The following CYP4F22 variants were observed in gnomAD, a reference collection of about 807,000 sequenced individuals.
CYP4F22 encodes ultra-long-chain fatty acid omega-hydroxylase.
CYP4F22 carries 37 observed loss-of-function variants against 60.4 expected under a neutral mutation model. The ratio of observed to expected loss-of-function variants is 0.61; its 90% confidence interval spans 0.47 to 0.81. The LOEUF (loss-of-function observed/expected upper bound fraction) is 0.81, where lower values mean the gene tolerates loss of function less well. Ranked by LOEUF, CYP4F22 falls within the 30% of genes least tolerant of loss-of-function variation. The probability of loss-of-function intolerance (pLI) is 0.00; values close to 1 mark genes in which losing one functional copy is unlikely to be tolerated. For missense variants in CYP4F22, 655 were observed against 715.0 expected (o/e 0.92, Z 0.96); for synonymous variants, 258 against 280.5 (o/e 0.92, Z 0.80).
intron 1 of CYP4F22, among the ~76,000 whole-genome samples, chr19:15,512,506 AT>A (rs1971103913): frequency 6.6e-6 from 1 of 151,906 alleles, no homozygotes; most frequent in African/African-American, 2.4e-5. Flanking sequence ...GGGTTTCATC[AT>A]GTTGCCCAGG....
At position 15,520,218 on chromosome 19, in the gene CYP4F22, C is replaced by T. The variant is rs368599093; in HGVS notation, c.-108-3475C>T. ...AAAATTAGCTGGGCGTGGTGGTGGG[C>T]GCCTATAGTCCCAGCTACTCAGGAG... is the stretch of plus-strand genomic sequence containing the variant. On this transcript the variant is annotated intron_variant, in intron 1 of 13. Coordinates refer to ENST00000269703, the MANE Select transcript of CYP4F22 (RefSeq NM_173483.4). 2.2e-4 allele frequency among the ~76,000 whole-genome samples: 34 copies of T among 151,580 alleles called. No individual in the cohort carries two copies. In the East Asian group the frequency reaches 5.1e-3, roughly 23 times the overall value.
intron 1 of CYP4F22, chr19:15,515,196 G>C (rs910903556): frequency 1.3e-5 from 7 of 559,542 alleles, no homozygotes; most frequent in Non-Finnish European, 2.1e-5. Context: ...CACCTCCCCT[G>C]TTGTGTTCCC....
intron 5 of CYP4F22, 42 bp downstream of exon 5, chr19:15,537,456 A>C (rs1227534263): frequency 6.2e-7 from 1 of 1,614,170 alleles, no homozygotes; most frequent in Admixed American, 1.7e-5. Context: ...GCTTTAGAGA[A>C]GAGAGGGAAG....
chr19:15,525,087 G>T (rs1971266328), intron 2 of CYP4F22, among the ~76,000 whole-genome samples: 1 of 152,226 alleles, frequency 6.6e-6, no homozygotes, highest in African/African-American at 2.4e-5. Flanking sequence ...CCTGGGCAGA[G>T]AATGCCCTAT....
chr19:15,550,860 C>A, intron 13 of CYP4F22, 104 bp downstream of exon 13: 1 of 1,401,144 alleles, frequency 7.1e-7, no homozygotes, highest in Non-Finnish European at 1.0e-6. Flanking sequence ...GGCACCCAGG[C>A]GTCCTTTCTG....
At chr19:15,544,087 C>T (rs1971494750) in intron 9 of CYP4F22, 50 bp downstream of exon 9, 1 of 1,614,148 alleles carries the variant, frequency 6.2e-7, no homozygotes, top group Admixed American at 1.7e-5. Context: ...ACATCATTGT[C>T]TGTAGACAGC....
chr19:15,535,942 G>C (rs550928480), intron 4 of CYP4F22, among the ~76,000 whole-genome samples: 1 of 152,196 alleles, frequency 6.6e-6, no homozygotes, highest in Non-Finnish European at 1.5e-5. Flanking sequence ...AAGCATTCAA[G>C]TTCTCATACA....
chr19:15,514,076 C>T (rs1394142072), intron 1 of CYP4F22, among the ~76,000 whole-genome samples: 1 of 152,120 alleles, frequency 6.6e-6, no homozygotes, highest in African/African-American at 2.4e-5. Context: ...GTCCTGTTTG[C>T]ATTAACAAAA....
rs550444193 is a variant in CYP4F22 at position 15,547,912 on chromosome 19, T to A, written c.1137-196T>A. 2.0e-5 allele frequency among the ~76,000 whole-genome samples: 3 copies of A among 150,744 alleles called. No homozygotes were observed. The East Asian group carries it at 5.9e-4, about 29-fold the overall frequency. ...CACCTGTGCATGAGACAACTGCAAA[T>A]GGCAGAAATTGGGGCAAGTCTAAAA... On this transcript the variant is annotated intron_variant, in intron 10 of 13. Coordinates refer to ENST00000269703, the MANE Select transcript of CYP4F22 (RefSeq NM_173483.4).
Position 15,525,426 on chromosome 19 carries a change from CCTGCTCTTCTTCCTGTTCCGCCTGCTG to C in CYP4F22, c.95_121del (p.Leu32_Leu40del). ...ACGCGGTGTCCACCCTTCTCCTCTTCCTGCTCTTCTTCCTGTTCCGCCTGCTGCTGCGGTTCCTGAGGCTCTGCAGGA... is the reference window on the plus strand; with the variant it reads ...ACGCGGTGTCCACCCTTCTCCTCTTCCTGCGGTTCCTGAGGCTCTGCAGGA... On this transcript the variant is annotated inframe_deletion, in exon 3 of 14. Coordinates refer to ENST00000269703, the MANE Select transcript of CYP4F22 (RefSeq NM_173483.4). 6.2e-7 allele frequency: 1 copy of C among 1,614,190 alleles called. No individual in the cohort carries two copies. The highest frequency in any genetic ancestry group is 8.5e-7 in the Non-Finnish European group (1 of 1,180,050).
chr19:15,547,263 G>A (rs908448131), intron 10 of CYP4F22, among the ~76,000 whole-genome samples: 3 of 151,174 alleles, frequency 2.0e-5, no homozygotes, highest in South Asian at 2.1e-4. Flanking sequence ...GACCTCAGAC[G>A]ATCGCCCATC....
intron 7 of CYP4F22, among the ~76,000 whole-genome samples, 189 bp downstream of exon 7, chr19:15,538,182 A>AGGATG (rs1971421787): frequency 6.6e-6 from 1 of 152,140 alleles, no homozygotes. Flanking sequence ...AAAAATGGGC[A>AGGATG]TCATAATTCC....
chr19:15,542,257 C>T (rs1033054797), intron 8 of CYP4F22, among the ~76,000 whole-genome samples: 2 of 152,030 alleles, frequency 1.3e-5, no homozygotes, highest in Non-Finnish European at 2.9e-5. Context: ...ATAAGCCGGG[C>T]GCAGTGGCTC....
intron 1 of CYP4F22, among the ~76,000 whole-genome samples, chr19:15,522,347 A>G (rs982933245): frequency 2.6e-5 from 4 of 152,004 alleles, no homozygotes; most frequent in Admixed American, 2.6e-4. Flanking sequence ...TGACCCACCC[A>G]GCTGTTTTCC....
Position 15,551,658 on chromosome 19 carries a change from C to T in CYP4F22, c.*187C>T, listed in dbSNP as rs1001983229. ...CGCCCCTCAAGGCAAGGCTCCTCCC[C>T]TTAGGGGGCCTGATCCCGCCCCTTG... is the stretch of plus-strand genomic sequence containing the variant. On this transcript the variant is annotated 3_prime_UTR_variant, in exon 14 of 14. Transcript: ENST00000269703. 2.4e-5 allele frequency: 17 copies of T among 704,406 alleles called. No individual in the cohort carries two copies. The highest frequency in any genetic ancestry group is 4.0e-4 in the Middle Eastern group (1 of 2,488). 43.6% of individuals were successfully genotyped at this position (704,406 alleles called of 1,614,324 possible).
At chr19:15,513,375 T>A (rs1192400552) in intron 1 of CYP4F22, among the ~76,000 whole-genome samples, 1 of 139,278 alleles carries the variant, frequency 7.2e-6, no homozygotes. Context: ...TTTTTTTTTT[T>A]TTTTTTTGAG....
chr19:15,513,514 G>T (rs377569247), intron 1 of CYP4F22, among the ~76,000 whole-genome samples: 1 of 151,798 alleles, frequency 6.6e-6, no homozygotes, highest in Non-Finnish European at 1.5e-5. Flanking sequence ...ACAGGCGCCC[G>T]CCACCTCGCC....
Position 15,540,029 on chromosome 19 carries a change from C to T in CYP4F22, c.672-421C>T, listed in dbSNP as rs530045321. ...AGGTACCAATCCCTTATCAGATAGA[C>T]AATTTGCAAATATTTTCTCCCATGC... On this transcript the variant is annotated intron_variant, in intron 7 of 13. Transcript: ENST00000269703. Among the ~76,000 whole-genome samples, 6 of 152,298 alleles carry T rather than the reference C, an allele frequency of 3.9e-5. No individual in the cohort carries two copies. In the South Asian group the frequency reaches 1.2e-3, roughly 32 times the overall value.
rs76015551 is a variant in CYP4F22, at chr19:15,537,352, C to G, written c.368-9C>G. 2,822 of 1,614,014 alleles carry G rather than the reference C, an allele frequency of 1.7e-3. 43 individuals carry two copies. The African/African-American group carries it at 0.034, about 19-fold the overall frequency. On this transcript the variant is annotated splice_polypyrimidine_tract_variant and intron_variant, in intron 4 of 13. Coordinates refer to ENST00000269703, the MANE Select transcript of CYP4F22 (RefSeq NM_173483.4). ...TTTTGAGTCACCATTTTCCCTTTGCCCTCCACAGCTGCCATCGCCCCCAAG... is the reference window on the plus strand; with the variant it reads ...TTTTGAGTCACCATTTTCCCTTTGCGCTCCACAGCTGCCATCGCCCCCAAG...
Sources: allele counts gnomAD v4.1 joint callset (sites outside exome capture counted in the v4.1 genomes callset), GRCh38; gene constraint gnomAD v4.1.1; transcripts MANE v1.5; gene names NCBI Gene and HGNC (gene_info 2026-07-23, HGNC 2026-07-21).